The following FOLH1 variants were observed in gnomAD, a reference collection of about 807,000 sequenced individuals.
FOLH1 encodes the protein folate hydrolase 1.
A neutral mutation model predicts 93.9 loss-of-function variants in FOLH1; 54 were observed. The observed-to-expected ratio is 0.57, with a 90% CI of 0.46 to 0.72. The LOEUF (loss-of-function observed/expected upper bound fraction) is 0.72. Among genes scored for constraint, FOLH1 ranks in the 30% least tolerant of loss-of-function variants. The pLI is 0.00. For missense variants in FOLH1, 571 were observed against 892.5 expected, an observed-to-expected ratio of 0.64 and a Z score of 4.59; for synonymous variants, 249 against 303.6, an observed-to-expected ratio of 0.82 and a Z score of 1.87.
rs532218309 is a variant in FOLH1 at position 49,146,152 on chromosome 11, T to C, written c.*604A>G. On this transcript the variant is annotated 3_prime_UTR_variant, in exon 19 of 19. Transcript: ENST00000256999. Reference sequence around the variant, plus strand: ...GGGGCATCCAAAGATATTAGAAATGTTATTTTCTTCATATGGCTATTAGGT... The same window carrying C: ...GGGGCATCCAAAGATATTAGAAATGCTATTTTCTTCATATGGCTATTAGGT... Among the ~76,000 whole-genome samples, 8 of 152,324 alleles carry C rather than the reference T, an allele frequency of 5.3e-5. No homozygotes were observed. The South Asian group carries it at 1.7e-3, about 32-fold the overall frequency.
chr11:49,186,415 A>G (rs1231816089), intron 5 of FOLH1, among the ~76,000 whole-genome samples: 5 of 152,080 alleles, frequency 3.3e-5, no homozygotes, highest in Admixed American at 2.6e-4. Flanking sequence ...TAAGCACAGA[A>G]AAATTTGTTC....
intron 15 of FOLH1, 142 bp from the exon 16 acceptor site, chr11:49,154,634 A>G (rs1856820682): frequency 6.9e-7 from 1 of 1,450,608 alleles, no homozygotes; most frequent in African/African-American, 1.4e-5. Flanking sequence ...CTACATCCTA[A>G]ATGGCTAATA....
At chr11:49,153,798 T>C in intron 17 of FOLH1, 48 bp downstream of exon 17, 1 of 1,233,336 alleles carries the variant, frequency 8.1e-7, no homozygotes, top group Non-Finnish European at 1.1e-6. Flanking sequence ...TTTAAATATA[T>C]ATATATACAC....
intron 11 of FOLH1, 77 bp downstream of exon 11, chr11:49,171,118 A>AT (rs1859204345): frequency 4.2e-6 from 6 of 1,434,952 alleles, no homozygotes; most frequent in Non-Finnish European, 5.6e-6. Context: ...TTCACTTCTT[A>AT]TTTTTATGTG....
chr11:49,169,986 G>A (rs928627272), intron 11 of FOLH1, among the ~76,000 whole-genome samples: 9 of 151,772 alleles, frequency 5.9e-5, no homozygotes, highest in African/African-American at 2.2e-4. Flanking sequence ...TCCAGATAGT[G>A]GCAAAATTCT....
chr11:49,156,972 A>G (rs1362922903), intron 14 of FOLH1, among the ~76,000 whole-genome samples, 165 bp from the exon 15 acceptor site: 3 of 152,172 alleles, frequency 2.0e-5, no homozygotes, highest in Non-Finnish European at 4.4e-5. Flanking sequence ...TTTTGATCAC[A>G]AAATATCTCC....
chr11:49,175,334 CT>C (rs375292027), intron 8 of FOLH1, among the ~76,000 whole-genome samples: 1,535 of 152,202 alleles, frequency 0.01, 24 homozygotes, highest in African/African-American at 0.035. Context: ...CTCTTTGGAA[CT>C]TGAATGGAAC....
At chr11:49,157,465 A>G (rs67736905) in intron 14 of FOLH1, among the ~76,000 whole-genome samples, 10,808 of 152,128 alleles carry the variant, frequency 0.071, 440 homozygotes, top group Middle Eastern at 0.11. Context: ...TACACCTACT[A>G]CATACTCACA....
At chr11:49,156,070 C>T (rs1014827930) in intron 15 of FOLH1, among the ~76,000 whole-genome samples, 2 of 151,404 alleles carry the variant, frequency 1.3e-5, no homozygotes, top group African/African-American at 4.9e-5. Context: ...AGGGAAGTTC[C>T]CCTGTATATG....
intron 15 of FOLH1, among the ~76,000 whole-genome samples, chr11:49,156,211 C>G (rs990241289): frequency 6.6e-6 from 1 of 151,834 alleles, no homozygotes; most frequent in Non-Finnish European, 1.5e-5. Context: ...GACCCAGTCT[C>G]GGGTATGTCT....
chr11:49,208,468 C>T lies in FOLH1; in HGVS notation c.-59G>A, dbSNP rs1590727987. On this transcript the variant is annotated 5_prime_UTR_variant, in exon 1 of 19. Coordinates refer to ENST00000256999, the MANE Select transcript of FOLH1 (RefSeq NM_004476.3). ...GCGCCTGTGCTGCTGCTCTACTGCG[C>T]GCCCTCCAACCACCACGGCGGGGTA... 5 of 1,203,434 alleles carry T rather than the reference C, an allele frequency of 4.2e-6. No individual in the cohort carries two copies. The East Asian group carries it at 1.2e-4, about 30-fold the overall frequency. The allele number at this position is 1,203,434 out of a possible 1,614,324, so 74.5% of individuals were successfully genotyped here.
At chr11:49,184,972 T>C (rs1026128249) in intron 6 of FOLH1, among the ~76,000 whole-genome samples, 3 of 152,194 alleles carry the variant, frequency 2.0e-5, no homozygotes, top group African/African-American at 7.2e-5. Flanking sequence ...TGACTTCTAG[T>C]CTCACTTTCC....
At position 49,178,563 on chromosome 11, in the gene FOLH1, T is replaced by A. The variant is rs1860368307; in HGVS notation, c.921-2606A>T. 2.0e-5 allele frequency among the ~76,000 whole-genome samples: 3 copies of A among 152,154 alleles called. No individual in the cohort carries two copies. In the South Asian group the frequency reaches 6.2e-4, roughly 32 times the overall value. On this transcript the variant is annotated intron_variant, in intron 7 of 18. Transcript: ENST00000256999. ...GAATCTAATATACCAATGAAAAAAA[T>A]AATGCACATACATGGAGAAGTTTCA...
At chr11:49,194,092 A>T (rs1249416159) in intron 3 of FOLH1, among the ~76,000 whole-genome samples, 1 of 142,518 alleles carries the variant, frequency 7.0e-6, no homozygotes, top group African/African-American at 2.6e-5. Context: ...GCAAGCTTGC[A>T]GTGAGTGGAG....
intron 14 of FOLH1, among the ~76,000 whole-genome samples, chr11:49,157,337 G>A (rs1334611169): frequency 6.6e-6 from 1 of 151,988 alleles, no homozygotes; most frequent in East Asian, 1.9e-4. Flanking sequence ...ACAAGGTGAT[G>A]AGGTGGCAGA....
rs756890455 is a variant in FOLH1 at position 49,158,002 on chromosome 11, A to G, written c.1482T>C (p.Tyr494=). 20 of 1,599,438 alleles carry G rather than the reference A, an allele frequency of 1.3e-5. No homozygotes were observed. Among genetic ancestry groups the G allele is most frequent in the Non-Finnish European group, 1.1e-5 (13 of 1,171,628 alleles). ...AAGGACTTTTTTTAGTCCAACTTTCATAAAGAGATTTGCCTTCAAAGCCTT... is the reference window on the plus strand; with the variant it reads ...AAGGACTTTTTTTAGTCCAACTTTCGTAAAGAGATTTGCCTTCAAAGCCTT... ...PDEGFEGKSL[Y]ESWTKKSPSP... is the part of the protein sequence containing the mutation. Residue 494 remains tyrosine, a synonymous_variant, in exon 14 of 19, where the codon TAT becomes TAC. Transcript: ENST00000256999.
rs979225229 is a variant in FOLH1 at position 49,170,601 on chromosome 11, C to T, written c.1308+594G>A. Among the ~76,000 whole-genome samples, 14 of 152,174 alleles carry T rather than the reference C, an allele frequency of 9.2e-5. 3 individuals are homozygous for T. The highest frequency in any genetic ancestry group is 1.3e-4 in the Admixed American group (2 of 15,284). On this transcript the variant is annotated intron_variant, in intron 11 of 18. Coordinates refer to ENST00000256999, the MANE Select transcript of FOLH1 (RefSeq NM_004476.3). Reference sequence around the variant, plus strand: ...CTGTACTCCAGCCTGGGCAACAGAGCGAGACTCTGTATAGTTAGCTTTAGG... The same window carrying T: ...CTGTACTCCAGCCTGGGCAACAGAGTGAGACTCTGTATAGTTAGCTTTAGG...
At chr11:49,176,587 C>T (rs1206834867) in intron 7 of FOLH1, among the ~76,000 whole-genome samples, 2 of 152,038 alleles carry the variant, frequency 1.3e-5, no homozygotes, top group African/African-American at 4.8e-5. Context: ...TTCACTTCAA[C>T]ATATCTGCCT....
chr11:49,205,969 G>GA (rs1252212150), intron 2 of FOLH1, 98 bp downstream of exon 2: 1 of 1,218,616 alleles, frequency 8.2e-7, no homozygotes. Context: ...AAAATTTTAA[G>GA]AAAAAAGTCC....
Sources: gnomAD v4.1 joint callset for allele counts (sites outside exome capture counted in the v4.1 genomes callset) on GRCh38, gnomAD v4.1.1 for gene constraint, MANE v1.5 for transcripts, NCBI Gene and HGNC (gene_info 2026-07-23, HGNC 2026-07-21) for gene names.